The following NSD3 variants were observed in gnomAD, a reference collection of about 807,000 sequenced individuals.
The protein encoded by NSD3 is nuclear receptor binding SET domain protein 3, also known as histone-lysine N-methyltransferase NSD3.
Under a neutral mutation model 160.8 loss-of-function variants are expected in NSD3, and 24 were observed. That is an observed-to-expected ratio of 0.15 (90% CI 0.11 to 0.21). NSD3 has a LOEUF of 0.21. Among genes scored for constraint, NSD3 ranks in the 10% least tolerant of loss-of-function variants. The probability of loss-of-function intolerance (pLI) is 1.00; values close to 1 mark genes in which losing one functional copy is unlikely to be tolerated. For missense variants in NSD3, 1,157 were observed against 1,735.9 expected (o/e 0.67, Z 5.93); for synonymous variants, 520 against 600.0 (o/e 0.87, Z 1.95).
intron 14 of NSD3, among the ~76,000 whole-genome samples, chr8:38,300,619 T>C (rs1809255540): frequency 6.6e-6 from 1 of 152,224 alleles, no homozygotes. Flanking sequence ...GCTATGCTAC[T>C]TGGAGGAAAA....
intron 11 of NSD3, 40 bp from the exon 12 acceptor site, chr8:38,314,813 A>G: frequency 6.3e-7 from 1 of 1,598,270 alleles, no homozygotes; most frequent in Non-Finnish European, 8.5e-7. Context: ...AAACTTTGGC[A>G]AACATCAAGA....
At chr8:38,312,225 C>G (rs1416548227) in intron 12 of NSD3, among the ~76,000 whole-genome samples, 1 of 150,520 alleles carries the variant, frequency 6.6e-6, no homozygotes, top group African/African-American at 2.5e-5. Context: ...AATGTGAGTC[C>G]TCTGACTTTG....
At position 38,272,828 on chromosome 8, in the gene NSD3, A is replaced by G. The variant is rs976770498; in HGVS notation, c.*2813T>C. ...GTCTTTTGGAATATTTCATTGGTGT[A>G]TCACAGGCACAGTGCATGTATACTC... On this transcript the variant is annotated 3_prime_UTR_variant, in exon 24 of 24. Coordinates refer to ENST00000317025, the MANE Select transcript of NSD3 (RefSeq NM_023034.2). 5.9e-5 allele frequency: 9 copies of G among 152,234 alleles called. No homozygotes were observed. The highest frequency in any genetic ancestry group is 2.2e-4 in the African/African-American group (9 of 41,458). The allele number at this position is 152,234 out of a possible 1,614,324, so 9.4% of individuals were successfully genotyped here.
chr8:38,284,685 C>T (rs367984195), intron 19 of NSD3, among the ~76,000 whole-genome samples: 1 of 152,160 alleles, frequency 6.6e-6, no homozygotes, highest in African/African-American at 2.4e-5. Context: ...CTGTGCCCGG[C>T]CTAGGGCAAA....
At chr8:38,366,386 G>T (rs1477419052) in intron 1 of NSD3, among the ~76,000 whole-genome samples, 3 of 148,238 alleles carry the variant, frequency 2.0e-5, no homozygotes, top group African/African-American at 4.9e-5. Flanking sequence ...ACAAGGCAAA[G>T]AATGTACAAT....
chr8:38,353,652 A>G (rs1023020776), intron 1 of NSD3, among the ~76,000 whole-genome samples: 6 of 152,220 alleles, frequency 3.9e-5, no homozygotes, highest in African/African-American at 7.2e-5. Flanking sequence ...AGTCTGAACT[A>G]AGAAAATAAC....
Position 38,329,265 on chromosome 8 carries a change from A to T in NSD3, c.1581+113T>A. ...AGAGTACAATGACTGTATGTTTCAAATTCAGTGGGTAGAAAGGGTATTTAA... is the reference window on the plus strand; with the variant it reads ...AGAGTACAATGACTGTATGTTTCAATTTCAGTGGGTAGAAAGGGTATTTAA... On this transcript the variant is annotated intron_variant, in intron 6 of 23. Transcript: ENST00000317025. This position sits in a 1 kb window ranked among gnomAD's most constrained non-coding sequence, Gnocchi z 4.8. The T allele has an allele frequency of 1.5e-6, 2 of 1,294,506 alleles. No homozygotes were observed. Among genetic ancestry groups the T allele is most frequent in the Non-Finnish European group, 2.1e-6 (2 of 950,660 alleles). The allele number at this position is 1,294,506 out of a possible 1,614,324, so 80.2% of individuals were successfully genotyped here. A position where few individuals can be genotyped will look rare whatever the true frequency, so the allele number is the denominator to read the frequency against.
At chr8:38,372,163 T>C (rs1415083407) in intron 1 of NSD3, among the ~76,000 whole-genome samples, 3 of 152,210 alleles carry the variant, frequency 2.0e-5, no homozygotes, top group Admixed American at 6.5e-5. Context: ...AAATTAACAA[T>C]ATAGACAAAT....
chr8:38,360,986 C>CA (rs1471363098), intron 1 of NSD3, among the ~76,000 whole-genome samples: 2 of 152,196 alleles, frequency 1.3e-5, no homozygotes, highest in African/African-American at 4.8e-5. Flanking sequence ...AATAACGAAG[C>CA]AAAAGCATAA....
chr8:38,329,702 G>A lies in NSD3; in HGVS notation c.1257C>T (p.Thr419=), dbSNP rs1810005924. The change falls in exon 6 of 24, where the codon ACC becomes ACT. Residue 419 remains threonine (T), a synonymous_variant. Transcript: ENST00000317025. This position sits in a 1 kb window ranked among gnomAD's most constrained non-coding sequence, Gnocchi z 4.8. ...SVASKTEVKK[T]RRPRSVLNTQ... is the part of the protein sequence containing the mutation. ...TATTCAGCACAGATCTTGGTCGTCG[G>A]GTTTTTTTAACTTCGGTTTTGGAGG... 6.2e-7 allele frequency: 1 copy of A among 1,614,124 alleles called. No homozygotes were observed. Among genetic ancestry groups the A allele is most frequent in the East Asian group, 2.2e-5 (1 of 44,892 alleles).
intron 7 of NSD3, among the ~76,000 whole-genome samples, chr8:38,326,502 T>C (rs546505898): frequency 6.6e-6 from 1 of 152,372 alleles, no homozygotes; most frequent in Admixed American, 6.5e-5. Context: ...CTTTTAATTA[T>C]AGAACCCTAT....
chr8:38,343,230 G>T (rs1027857907), intron 2 of NSD3, among the ~76,000 whole-genome samples: 1 of 151,736 alleles, frequency 6.6e-6, no homozygotes, highest in Admixed American at 6.6e-5. Context: ...AAATCTGTCA[G>T]AATTTCAAAG....
At chr8:38,336,874 G>A (rs1266298114) in intron 4 of NSD3, among the ~76,000 whole-genome samples, 1 of 152,176 alleles carries the variant, frequency 6.6e-6, no homozygotes, top group Non-Finnish European at 1.5e-5. Context: ...GGGCGCAGTG[G>A]CTCACGCCTG....
At chr8:38,276,274 G>T in intron 23 of NSD3, 22 bp downstream of exon 23, 2 of 1,611,696 alleles carry the variant, frequency 1.2e-6, no homozygotes, top group Admixed American at 1.7e-5. Context: ...ATTAGGGAAA[G>T]GGTCCTGAAG....
intron 1 of NSD3, among the ~76,000 whole-genome samples, chr8:38,369,412 A>C (rs1201491082): frequency 6.6e-6 from 1 of 152,226 alleles, no homozygotes; most frequent in Non-Finnish European, 1.5e-5. Flanking sequence ...CTCAACAATT[A>C]AGAAAAACTC....
At chr8:38,292,241 C>T (rs1809012966) in intron 16 of NSD3, among the ~76,000 whole-genome samples, 1 of 152,154 alleles carries the variant, frequency 6.6e-6, no homozygotes. Flanking sequence ...TGCACTTCTT[C>T]TAAAAATTAA....
At chr8:38,371,824 C>G (rs1408305852) in intron 1 of NSD3, among the ~76,000 whole-genome samples, 1 of 152,120 alleles carries the variant, frequency 6.6e-6, no homozygotes, top group Non-Finnish European at 1.5e-5. Context: ...GCAAATAGAC[C>G]GTATTCAGCA....
At chr8:38,354,700 G>C (rs1018102714) in intron 1 of NSD3, among the ~76,000 whole-genome samples, 3 of 151,932 alleles carry the variant, frequency 2.0e-5, no homozygotes, top group African/African-American at 7.3e-5. Context: ...CTTTTCTAAA[G>C]GTTTGAAAAT....
At position 38,316,575 on chromosome 8, in the gene NSD3, T is replaced by C. The variant is rs901587899; in HGVS notation, c.1856-533A>G. 1.9e-6 allele frequency: 2 copies of C among 1,050,482 alleles called. No homozygotes were observed. The highest frequency in any genetic ancestry group is 3.3e-5 in the African/African-American group (2 of 60,146). The allele number at this position is 1,050,482 out of a possible 1,614,324, so 65.1% of individuals were successfully genotyped here. A position where few individuals can be genotyped will look rare whatever the true frequency, so the allele number is the denominator to read the frequency against. On this transcript the variant is annotated intron_variant, in intron 9 of 23. Coordinates refer to ENST00000317025, the MANE Select transcript of NSD3 (RefSeq NM_023034.2). The surrounding 1 kb of genome is among the most constrained non-coding windows in gnomAD (Gnocchi z 4.5). ...CCCCCCAATAAAATTTGGATGTTCATAATTGTTCATCTGAGACTTCCTTGG... is the reference window on the plus strand; with the variant it reads ...CCCCCCAATAAAATTTGGATGTTCACAATTGTTCATCTGAGACTTCCTTGG...
Sources: gnomAD v4.1 joint callset for allele counts (sites outside exome capture counted in the v4.1 genomes callset) on GRCh38, gnomAD v4.1.1 for gene constraint, Gnocchi (gnomAD v3.1) non-coding constraint, MANE v1.5 for transcripts, NCBI Gene and HGNC (gene_info 2026-07-23, HGNC 2026-07-21) for gene names.